PHF2: variants seen among roughly 807,000 people sequenced by gnomAD.
PHF2 encodes lysine-specific demethylase PHF2.
PHF2 carries 27 observed loss-of-function variants against 120.5 expected under a neutral mutation model. The observed-to-expected ratio is 0.22, with a 90% confidence interval of 0.17 to 0.31. PHF2 has a LOEUF of 0.31. PHF2 is among the 10% of genes least tolerant of loss of function. The probability of loss-of-function intolerance (pLI) is 1.00; values close to 1 mark genes in which losing one functional copy is unlikely to be tolerated. For missense variants in PHF2, 1,024 were observed against 1,434.8 expected, an observed-to-expected ratio of 0.71 and a Z score of 4.63; for synonymous variants, 568 against 592.5, an observed-to-expected ratio of 0.96 and a Z score of 0.60.
chr9:93,597,301 C>T lies in PHF2; in HGVS notation c.98+20430C>T, dbSNP rs1825353650. ...CTGGCTAGGCTGCAGGAGGGTCAGG[C>T]ATTCAGGGTCTTTGGTCTTAGCTTC... On this transcript the variant is annotated intron_variant, in intron 1 of 21. Transcript: ENST00000359246. 2.0e-5 allele frequency among the ~76,000 whole-genome samples: 3 copies of T among 152,164 alleles called. No homozygotes were observed. The South Asian group carries it at 6.2e-4, about 32-fold the overall frequency.
intron 1 of PHF2, among the ~76,000 whole-genome samples, chr9:93,603,093 C>G (rs1171125662): frequency 1.3e-5 from 2 of 152,190 alleles, no homozygotes; most frequent in Non-Finnish European, 1.5e-5. Context: ...CCTGGGGCTT[C>G]AGCGGTTGCT....
At chr9:93,636,880 T>C (rs1826102313) in intron 3 of PHF2, among the ~76,000 whole-genome samples, 1 of 152,250 alleles carries the variant, frequency 6.6e-6, no homozygotes, top group South Asian at 2.1e-4. Context: ...CCCACAAGCA[T>C]GCTCCCATGG....
At chr9:93,578,556 C>T (rs943997629) in intron 1 of PHF2, among the ~76,000 whole-genome samples, 2 of 152,226 alleles carry the variant, frequency 1.3e-5, no homozygotes, top group Non-Finnish European at 2.9e-5. Flanking sequence ...CTTCTGGGCA[C>T]CTGTGTCAGC....
intron 2 of PHF2, among the ~76,000 whole-genome samples, chr9:93,631,357 G>A (rs542124940): frequency 2.0e-5 from 3 of 152,304 alleles, no homozygotes; most frequent in Middle Eastern, 3.4e-3. Flanking sequence ...ATATGCAAGC[G>A]GGTGATGAGG....
chr9:93,663,455 T>C, intron 13 of PHF2, 62 bp from the exon 14 acceptor site: 1 of 977,766 alleles, frequency 1.0e-6, no homozygotes, highest in Non-Finnish European at 1.6e-6. Context: ...CTGACACTAA[T>C]TGGGGTCCTG....
intron 1 of PHF2, among the ~76,000 whole-genome samples, chr9:93,622,375 A>G (rs1161816746): frequency 6.6e-6 from 1 of 152,194 alleles, no homozygotes; most frequent in Non-Finnish European, 1.5e-5. Context: ...TTTAAGTAGC[A>G]TTGCAAGAGG....
chr9:93,678,011 G>C lies in PHF2; in HGVS notation c.*335G>C. 3.9e-6 allele frequency: 1 copy of C among 253,504 alleles called. No homozygotes were observed. The highest frequency in any genetic ancestry group is 7.6e-6 in the Non-Finnish European group (1 of 131,912). The allele number at this position is 253,504 out of a possible 1,614,324, so 15.7% of individuals were successfully genotyped here. A position where few individuals can be genotyped will look rare whatever the true frequency, so the allele number is the denominator to read the frequency against. The stretch of plus-strand genomic sequence containing the variant: ...TGCAGGGCCTCTGCAGCTCTGCTGA[G>C]AGCATGAGTCCTTCAAGGAAGACAG... On this transcript the variant is annotated 3_prime_UTR_variant, in exon 22 of 22. Coordinates refer to ENST00000359246, the MANE Select transcript of PHF2 (RefSeq NM_005392.4).
At position 93,677,480 on chromosome 9, in the gene PHF2, T is replaced by A; in HGVS notation, c.3203-108T>A. Reference sequence around the variant, plus strand: ...TAGGCCCATTTTACAGATGGGGGACTGCAGGCTGCCCCTTAGTGTCAGCGG... The same window carrying A: ...TAGGCCCATTTTACAGATGGGGGACAGCAGGCTGCCCCTTAGTGTCAGCGG... On this transcript the variant is annotated intron_variant, in intron 21 of 21. Transcript: ENST00000359246. The surrounding 1 kb of genome is among the most constrained non-coding windows in gnomAD (Gnocchi z 4.4). The A allele has an allele frequency of 1.3e-6, 1 of 778,490 alleles. No homozygotes were observed. Among genetic ancestry groups the A allele is most frequent in the South Asian group, 1.6e-5 (1 of 62,784 alleles). The allele number at this position is 778,490 out of a possible 1,614,324, so 48.2% of individuals were successfully genotyped here.
rs1826472447 is a variant in PHF2, at chr9:93,656,944, C to T, written c.1147+349C>T. On this transcript the variant is annotated intron_variant, in intron 9 of 21. Transcript: ENST00000359246. The surrounding 1 kb of genome is among the most constrained non-coding windows in gnomAD (Gnocchi z 4.1). ...GAGGGTGGAGCCCTGGCTCTGTCAC[C>T]AGCTGAGGAGTGGGTGCGAGTGGGC... is the stretch of plus-strand genomic sequence containing the variant. Among the ~76,000 whole-genome samples, 1 of 152,138 alleles carries T rather than the reference C, an allele frequency of 6.6e-6. No homozygotes were observed. The highest frequency in any genetic ancestry group is 2.4e-5 in the African/African-American group (1 of 41,430).
rs559351353 is a variant in PHF2 at position 93,604,613 on chromosome 9, C to G, written c.99-25357C>G. ...CCAAGTAATTGGGACTACAGGCGCC[C>G]GCCACCACACCCGGCTAATTTTTTG... On this transcript the variant is annotated intron_variant, in intron 1 of 21. Transcript: ENST00000359246. Among the ~76,000 whole-genome samples, 3 of 151,948 alleles carry G rather than the reference C, an allele frequency of 2.0e-5. No individual in the cohort carries two copies. The South Asian group carries it at 6.2e-4, about 32-fold the overall frequency.
intron 1 of PHF2, among the ~76,000 whole-genome samples, chr9:93,582,668 CAGA>C (rs1264354518): frequency 1.3e-5 from 2 of 152,162 alleles, no homozygotes; most frequent in Non-Finnish European, 2.9e-5. Context: ...GGGTCACTCA[CAGA>C]AGAACATATG....
intron 1 of PHF2, among the ~76,000 whole-genome samples, chr9:93,620,590 GCA>G (rs1286359520): frequency 6.6e-6 from 1 of 152,238 alleles, no homozygotes; most frequent in Admixed American, 6.5e-5. Context: ...TGCCCACTCT[GCA>G]TTAGTGAGGG....
Position 93,656,797 on chromosome 9 carries a change from C to G in PHF2, c.1147+202C>G, listed in dbSNP as rs74541871. Among the ~76,000 whole-genome samples the G allele has an allele frequency of 6.6e-6, 1 of 152,154 alleles. No individual in the cohort carries two copies. The highest frequency in any genetic ancestry group is 1.5e-5 in the Non-Finnish European group (1 of 68,022). The stretch of plus-strand genomic sequence containing the variant: ...ATTGAACAGGCTGGGCCTCTCCTTC[C>G]GATTGGACTGTCCCTTGTTTTAGAA... On this transcript the variant is annotated intron_variant, in intron 9 of 21. Transcript: ENST00000359246. This position sits in a 1 kb window ranked among gnomAD's most constrained non-coding sequence, Gnocchi z 4.1.
intron 5 of PHF2, among the ~76,000 whole-genome samples, chr9:93,651,271 G>T (rs530399478): frequency 3.3e-4 from 51 of 152,248 alleles, no homozygotes; most frequent in African/African-American, 1.1e-3. Context: ...TGCCCTGCCT[G>T]GGTTGAGGGG....
Position 93,673,678 on chromosome 9 carries a change from G to C in PHF2, c.2442G>C (p.Thr814=), listed in dbSNP as rs148170207. ...CCTCCGACTCCTGCCTGCAGACCAC[G>C]TGGGGAGCTGGCCAGGCCAAGGGGA... ...LQASDSCLQT[T]WGAGQAKGSS... The change falls in exon 18 of 22, where the codon ACG becomes ACC. Residue 814 remains threonine, a synonymous_variant. Transcript: ENST00000359246. 1.2e-6 allele frequency: 2 copies of C among 1,612,840 alleles called. No individual in the cohort carries two copies. Among genetic ancestry groups the C allele is most frequent in the South Asian group, 1.1e-5 (1 of 91,042 alleles).
At chr9:93,599,364 C>G (rs1395715404) in intron 1 of PHF2, among the ~76,000 whole-genome samples, 1 of 152,206 alleles carries the variant, frequency 6.6e-6, no homozygotes, top group Non-Finnish European at 1.5e-5. Flanking sequence ...GTGGGCTGCT[C>G]TCCCCTCTCA....
chr9:93,620,506 T>C (rs1407750791), intron 1 of PHF2, among the ~76,000 whole-genome samples: 1 of 152,230 alleles, frequency 6.6e-6, no homozygotes. Context: ...TGCTTGCCTC[T>C]CAGGTGGCCC....
chr9:93,595,188 T>G (rs756884756), intron 1 of PHF2, among the ~76,000 whole-genome samples: 1 of 152,254 alleles, frequency 6.6e-6, no homozygotes, highest in Non-Finnish European at 1.5e-5. Context: ...TCATAACTAT[T>G]CAGGTATTTA....
intron 7 of PHF2, among the ~76,000 whole-genome samples, chr9:93,655,219 C>G (rs1003643192): frequency 1.3e-5 from 2 of 151,572 alleles, no homozygotes; most frequent in Non-Finnish European, 2.9e-5. Context: ...CAGCATTTCC[C>G]TGGTATCATC....
Sources: gnomAD v4.1 joint callset for allele counts (sites outside exome capture counted in the v4.1 genomes callset) on GRCh38, gnomAD v4.1.1 for gene constraint, Gnocchi (gnomAD v3.1) non-coding constraint, MANE v1.5 for transcripts, NCBI Gene and HGNC (gene_info 2026-07-23, HGNC 2026-07-21) for gene names.